DISP3: variants seen among roughly 807,000 people sequenced by gnomAD.
The protein encoded by DISP3 is protein dispatched homolog 3.
A neutral mutation model predicts 135.3 loss-of-function variants in DISP3; 101 were observed. That is an observed-to-expected ratio of 0.75 (90% CI 0.64 to 0.88). The LOEUF (loss-of-function observed/expected upper bound fraction) is 0.88. Among genes scored for constraint, DISP3 ranks in the 40% least tolerant of loss-of-function variants. The pLI, the probability that DISP3 is intolerant of heterozygous loss-of-function variation, is 0.00. For synonymous variants in DISP3, 856 were observed against 817.0 expected, an observed-to-expected ratio of 1.05 and a Z score of -0.81; for missense variants, 1,713 against 1,878.6, an observed-to-expected ratio of 0.91 and a Z score of 1.63.
At chr1:11,525,084 T>G in intron 11 of DISP3, 92 bp from the exon 12 acceptor site, 1 of 1,496,006 alleles carries the variant, frequency 6.7e-7, no homozygotes. Context: ...CTGAGCTCGT[T>G]AGTCGACAGA....
chr1:11,510,000 G>T (rs1641813912), intron 3 of DISP3, among the ~76,000 whole-genome samples: 1 of 152,170 alleles, frequency 6.6e-6, no homozygotes, highest in Non-Finnish European at 1.5e-5. Context: ...TGGGGAGGCT[G>T]AGGGAGGAGA....
At chr1:11,528,359 T>G (rs1430925759) in intron 13 of DISP3, among the ~76,000 whole-genome samples, 2 of 152,154 alleles carry the variant, frequency 1.3e-5, no homozygotes, top group African/African-American at 4.8e-5. Context: ...TCATTCCCCA[T>G]GTTGTAAACA....
rs1476631514 is a variant in DISP3 at position 11,482,658 on chromosome 1, T to G, written c.-4+3286T>G. Among the ~76,000 whole-genome samples the G allele has an allele frequency of 5.9e-5, 9 of 152,330 alleles. No individual in the cohort carries two copies. In the East Asian group the frequency reaches 1.5e-3, roughly 26 times the overall value. ...TCGAGAGCTCAGTGATTAGCCTTTT[T>G]GGTTCCCTTCCCCCTCTTTGAAATG... On this transcript the variant is annotated intron_variant, in intron 1 of 20. Coordinates refer to ENST00000294484, the MANE Select transcript of DISP3 (RefSeq NM_020780.2).
chr1:11,499,931 G>A lies in DISP3; in HGVS notation c.-3-1059G>A, dbSNP rs1275692233. Among the ~76,000 whole-genome samples the A allele has an allele frequency of 4.6e-5, 7 of 152,262 alleles. No individual in the cohort carries two copies. ...ATTAGCTTCCTCCTCTTACCGCCTA[G>A]CATCTAACTGGATAATGAGTCTCTC... On this transcript the variant is annotated intron_variant, in intron 1 of 20. Transcript: ENST00000294484. This position sits in a 1 kb window ranked among gnomAD's most constrained non-coding sequence, Gnocchi z 5.2.
rs1642002301 is a variant in DISP3 at position 11,516,033 on chromosome 1, T to G, written c.1621T>G (p.Tyr541Asp). The change falls in exon 6 of 21, where the codon TAC becomes GAC. Residue 541 changes from tyrosine (Y) to aspartate (D), a missense_variant. Coordinates refer to ENST00000294484, the MANE Select transcript of DISP3 (RefSeq NM_020780.2). The surrounding 1 kb of genome is among the most constrained non-coding windows in gnomAD (Gnocchi z 5.1). ...VDDVFVFINT[Y>D]RQATHLEDPQ... The stretch of plus-strand genomic sequence containing the variant: ...CGATGTCTTTGTGTTCATCAACACC[T>G]ACCGCCAGGCCACCCACCTGGAAGA... The G allele has an allele frequency of 1.2e-6, 2 of 1,614,062 alleles. No homozygotes were observed. The highest frequency in any genetic ancestry group is 1.7e-6 in the Non-Finnish European group (2 of 1,179,974).
chr1:11,535,737 C>G, intron 20 of DISP3, 93 bp downstream of exon 20: 1 of 1,459,424 alleles, frequency 6.9e-7, no homozygotes, highest in Non-Finnish European at 9.2e-7. Context: ...AGCTGAACAT[C>G]CCAGCACCAG....
Position 11,531,427 on chromosome 1 carries a change from A to C in DISP3, c.3230-138A>C. The stretch of plus-strand genomic sequence containing the variant: ...CACCCCGATGGCAAATGCATGTTGT[A>C]GGTTTCCCAATGCCGTTGCCAATGG... On this transcript the variant is annotated intron_variant, in intron 16 of 20. Coordinates refer to ENST00000294484, the MANE Select transcript of DISP3 (RefSeq NM_020780.2). The surrounding 1 kb of genome is among the most constrained non-coding windows in gnomAD (Gnocchi z 5.2). The C allele has an allele frequency of 2.4e-6, 3 of 1,243,200 alleles. No homozygotes were observed. Among genetic ancestry groups the C allele is most frequent in the South Asian group, 2.8e-5 (2 of 71,740 alleles). The allele number at this position is 1,243,200 out of a possible 1,614,324, so 77.0% of individuals were successfully genotyped here. A position where few individuals can be genotyped will look rare whatever the true frequency, so the allele number is the denominator to read the frequency against.
intron 1 of DISP3, among the ~76,000 whole-genome samples, chr1:11,486,140 G>A (rs1358449903): frequency 6.6e-6 from 1 of 152,212 alleles, no homozygotes; most frequent in East Asian, 1.9e-4. Context: ...GTGGCAGGAC[G>A]TTGCTGGCTT....
At chr1:11,514,362 C>G in intron 3 of DISP3, 28 bp from the exon 4 acceptor site, 3 of 1,590,632 alleles carry the variant, frequency 1.9e-6, no homozygotes, top group Admixed American at 1.7e-5. Flanking sequence ...TCCTGTCATT[C>G]TTTTCTCCAC....
intron 3 of DISP3, among the ~76,000 whole-genome samples, chr1:11,503,179 G>A (rs949612271): frequency 6.6e-6 from 1 of 152,214 alleles, no homozygotes; most frequent in Non-Finnish European, 1.5e-5. Flanking sequence ...TCCTGAGATG[G>A]TGCTCGAGGT....
chr1:11,496,397 A>G (rs1641334677), intron 1 of DISP3, among the ~76,000 whole-genome samples: 1 of 152,150 alleles, frequency 6.6e-6, no homozygotes, highest in Non-Finnish European at 1.5e-5. Flanking sequence ...GCAGAGAGAA[A>G]GGGCATTGGT....
In DISP3 at chr1:11,536,868, T is replaced by C; in HGVS notation, c.*182T>C. 1.1e-6 allele frequency: 1 copy of C among 879,520 alleles called. No individual in the cohort carries two copies. Among genetic ancestry groups the C allele is most frequent in the Non-Finnish European group, 1.6e-6 (1 of 606,304 alleles). The allele number at this position is 879,520 out of a possible 1,614,324, so 54.5% of individuals were successfully genotyped here. On this transcript the variant is annotated 3_prime_UTR_variant, in exon 21 of 21. Transcript: ENST00000294484. The surrounding 1 kb of genome is among the most constrained non-coding windows in gnomAD (Gnocchi z 4.3). ...CATGCTGCCTTGTGGAGCTGGGAGT[T>C]GGAGACAGCCGCCACCCCACAGGCC...
rs967480064 is a variant in DISP3, at chr1:11,519,307, G to T, written c.1890-48G>T. On this transcript the variant is annotated intron_variant, in intron 7 of 20. Coordinates refer to ENST00000294484, the MANE Select transcript of DISP3 (RefSeq NM_020780.2). The surrounding 1 kb of genome is among the most constrained non-coding windows in gnomAD (Gnocchi z 4.3). ...TCAGGGCCCTGCCCCACCCTCCCTG[G>T]GTACCCAGGACCCTCTGGTTCACCC... The T allele has an allele frequency of 3.8e-6, 6 of 1,588,942 alleles. No individual in the cohort carries two copies. Among genetic ancestry groups the T allele is most frequent in the Non-Finnish European group, 4.3e-6 (5 of 1,162,472 alleles).
chr1:11,528,321 G>A (rs550376236), intron 13 of DISP3, among the ~76,000 whole-genome samples: 30 of 152,234 alleles, frequency 2.0e-4, no homozygotes, highest in Non-Finnish European at 2.4e-4. Flanking sequence ...GGATCTCCAC[G>A]CCATCCAGGG....
Position 11,531,422 on chromosome 1 carries a change from G to A in DISP3, c.3230-143G>A. The A allele has an allele frequency of 8.2e-7, 1 of 1,212,726 alleles. No homozygotes were observed. The highest frequency in any genetic ancestry group is 1.2e-6 in the Non-Finnish European group (1 of 856,174). The allele number at this position is 1,212,726 out of a possible 1,614,324, so 75.1% of individuals were successfully genotyped here. A position where few individuals can be genotyped will look rare whatever the true frequency, so the allele number is the denominator to read the frequency against. ...TGTTCCACCCCGATGGCAAATGCAT[G>A]TTGTAGGTTTCCCAATGCCGTTGCC... On this transcript the variant is annotated intron_variant, in intron 16 of 20. Transcript: ENST00000294484. This position sits in a 1 kb window ranked among gnomAD's most constrained non-coding sequence, Gnocchi z 5.2.
rs1642725407 is a variant in DISP3 at position 11,536,982 on chromosome 1, A to G, written c.*296A>G. ...GCCCGGTCACCATGGGGGTCAGGTT[A>G]TTTTTGTAGGGGGTCTCCCTCTCAC... On this transcript the variant is annotated 3_prime_UTR_variant, in exon 21 of 21. Coordinates refer to ENST00000294484, the MANE Select transcript of DISP3 (RefSeq NM_020780.2). This position sits in a 1 kb window ranked among gnomAD's most constrained non-coding sequence, Gnocchi z 4.3. 6.9e-6 allele frequency: 3 copies of G among 433,222 alleles called. No homozygotes were observed. The highest frequency in any genetic ancestry group is 1.2e-5 in the Non-Finnish European group (3 of 242,056). 26.8% of individuals were successfully genotyped at this position (433,222 alleles called of 1,614,324 possible). A position where few individuals can be genotyped will look rare whatever the true frequency, so the allele number is the denominator to read the frequency against.
intron 3 of DISP3, among the ~76,000 whole-genome samples, chr1:11,507,181 A>T (rs1200741416): frequency 6.6e-6 from 1 of 152,192 alleles, no homozygotes; most frequent in Non-Finnish European, 1.5e-5. Flanking sequence ...CAGAAGGCAC[A>T]TAGAGTCGTG....
intron 3 of DISP3, among the ~76,000 whole-genome samples, chr1:11,503,807 T>A (rs1641623330): frequency 6.6e-6 from 1 of 152,338 alleles, no homozygotes; most frequent in Non-Finnish European, 1.5e-5. Context: ...AATGGGCAAG[T>A]CACGTCACTT....
chr1:11,525,311 A>G lies in DISP3; in HGVS notation c.2612A>G (p.Gln871Arg), dbSNP rs767148944. The G allele has an allele frequency of 3.7e-6, 6 of 1,612,756 alleles. No homozygotes were observed. The South Asian group carries it at 4.4e-5, about 12-fold the overall frequency. ...GGGGATGGAGAGGTGCCCTCCTTCCAGGTGAGCCTGGGCTGTCGTGAAGTG... is the reference window on the plus strand; with the variant it reads ...GGGGATGGAGAGGTGCCCTCCTTCCGGGTGAGCCTGGGCTGTCGTGAAGTG... ...SPGDGEVPSFQVYRAPFGNFT... is the reference protein window; with the variant it reads ...SPGDGEVPSFRVYRAPFGNFT... The change falls in exon 12 of 21, where the codon CAG (glutamine) becomes CGG (arginine). Residue 871 changes from glutamine (Q) to arginine (R), a missense_variant and splice_region_variant. Physicochemically the swap from Gln to Arg is conservative, Grantham distance 43. Coordinates refer to ENST00000294484, the MANE Select transcript of DISP3 (RefSeq NM_020780.2).
Sources: allele counts gnomAD v4.1 joint callset (sites outside exome capture counted in the v4.1 genomes callset), GRCh38; gene constraint gnomAD v4.1.1; non-coding constraint Gnocchi (gnomAD v3.1); transcripts MANE v1.5; gene names NCBI Gene and HGNC (gene_info 2026-07-23, HGNC 2026-07-21).